The following EXOC6 variants were observed in gnomAD, a reference collection of about 807,000 sequenced individuals.
The protein encoded by EXOC6 is SEC15-like 1.
Under a neutral mutation model 112.5 loss-of-function variants are expected in EXOC6, and 60 were observed. The observed-to-expected ratio is 0.53, with a 90% CI of 0.43 to 0.66. The LOEUF (loss-of-function observed/expected upper bound fraction) is 0.66, where lower values mean the gene tolerates loss of function less well. EXOC6 is among the 30% of genes least tolerant of loss of function. The pLI is 0.00. For missense variants in EXOC6, 855 were observed against 957.1 expected (o/e 0.89, Z 1.41); for synonymous variants, 295 against 308.0 (o/e 0.96, Z 0.44).
At chr10:93,001,556 A>T (rs1200055670) in intron 19 of EXOC6, among the ~76,000 whole-genome samples, 1 of 152,206 alleles carries the variant, frequency 6.6e-6, no homozygotes, top group Non-Finnish European at 1.5e-5. Context: ...CAGTAAAAGG[A>T]AAAAACCCTC....
intron 1 of EXOC6, among the ~76,000 whole-genome samples, chr10:92,837,406 C>T (rs1204844200): frequency 6.6e-6 from 1 of 152,220 alleles, no homozygotes; most frequent in Non-Finnish European, 1.5e-5. Flanking sequence ...TGCAGTGGCT[C>T]ATGCCTGTAA....
At chr10:92,870,252 C>A (rs1289677532) in intron 1 of EXOC6, among the ~76,000 whole-genome samples, 1 of 152,068 alleles carries the variant, frequency 6.6e-6, no homozygotes, top group Non-Finnish European at 1.5e-5. Context: ...CCGCGTGCCA[C>A]CCAGCTCTGG....
Position 92,858,023 on chromosome 10 carries a change from C to CCCCG in EXOC6, c.101+9392_101+9393insGCCC, listed in dbSNP as rs1397865776. Among the ~76,000 whole-genome samples, 5 of 84,160 alleles carry CCCCG rather than the reference C, an allele frequency of 5.9e-5. 1 individual carries two copies. In the East Asian group the frequency reaches 6.7e-3, roughly 113 times the overall value. 55.2% of individuals were successfully genotyped at this position (84,160 alleles called of 152,430 possible). A position where few individuals can be genotyped will look rare whatever the true frequency, so the allele number is the denominator to read the frequency against. On this transcript the variant is annotated intron_variant, in intron 1 of 21. Coordinates refer to ENST00000260762, the MANE Select transcript of EXOC6 (RefSeq NM_019053.6). ...ATGTAAGATTTTTAGTTGACGGGTT[C>CCCCG]CCCCCCTCCGCCGGCCAGCAGTTTG... is the stretch of plus-strand genomic sequence containing the variant.
intron 19 of EXOC6, among the ~76,000 whole-genome samples, chr10:93,001,737 A>G (rs917152350): frequency 6.6e-6 from 1 of 152,198 alleles, no homozygotes; most frequent in African/African-American, 2.4e-5. Flanking sequence ...CAGCCTGACA[A>G]CTATATCTGA....
At chr10:92,863,240 T>C (rs1453528684) in intron 1 of EXOC6, among the ~76,000 whole-genome samples, 1 of 152,212 alleles carries the variant, frequency 6.6e-6, no homozygotes, top group Non-Finnish European at 1.5e-5. Context: ...TCCAGGGACT[T>C]CCCATAAAGA....
At chr10:93,043,181 C>T (rs568579762) in intron 20 of EXOC6, among the ~76,000 whole-genome samples, 13 of 152,106 alleles carry the variant, frequency 8.5e-5, no homozygotes, top group South Asian at 8.3e-4. Flanking sequence ...GTGATCCACC[C>T]GCCTCGGCCT....
At chr10:92,980,633 A>G (rs181219762) in intron 18 of EXOC6, among the ~76,000 whole-genome samples, 1 of 152,318 alleles carries the variant, frequency 6.6e-6, no homozygotes, top group East Asian at 1.9e-4. Context: ...TTGAATCATT[A>G]TTATAGCTTG....
At chr10:92,831,012 G>C (rs1043570024), upstream of EXOC6, among the ~76,000 whole-genome samples, 2 of 152,180 alleles carry the variant, frequency 1.3e-5, no homozygotes, top group African/African-American at 4.8e-5. Flanking sequence ...TTTGGGAGGA[G>C]AGCCTCTCCT....
chr10:92,858,695 A>G (rs148898688), intron 1 of EXOC6, among the ~76,000 whole-genome samples: 1 of 152,332 alleles, frequency 6.6e-6, no homozygotes, highest in African/African-American at 2.4e-5. Context: ...GAGCATAGTT[A>G]TTATGGCTGC....
At chr10:93,019,689 T>C (rs1844693283) in intron 20 of EXOC6, among the ~76,000 whole-genome samples, 1 of 152,214 alleles carries the variant, frequency 6.6e-6, no homozygotes, top group Non-Finnish European at 1.5e-5. Context: ...AGACTGGCCC[T>C]GTACCCTATC....
intron 18 of EXOC6, among the ~76,000 whole-genome samples, chr10:92,979,239 C>T (rs970141082): frequency 6.6e-6 from 1 of 152,174 alleles, no homozygotes; most frequent in African/African-American, 2.4e-5. Flanking sequence ...TGGCTCACTG[C>T]AGCCTCTGCC....
At chr10:92,889,678 A>G (rs1475277485) in intron 1 of EXOC6, among the ~76,000 whole-genome samples, 3 of 150,510 alleles carry the variant, frequency 2.0e-5, no homozygotes, top group East Asian at 1.9e-4. Flanking sequence ...ATACCATGCA[A>G]TCTTGATGAC....
intron 5 of EXOC6, among the ~76,000 whole-genome samples, chr10:92,909,127 A>G (rs1328511784): frequency 6.6e-6 from 1 of 152,200 alleles, no homozygotes; most frequent in Non-Finnish European, 1.5e-5. Flanking sequence ...GTTTGAAACA[A>G]TGATACATAT....
At chr10:93,018,610 G>C (rs1219195493) in intron 20 of EXOC6, among the ~76,000 whole-genome samples, 2 of 122,044 alleles carry the variant, frequency 1.6e-5, no homozygotes, top group Non-Finnish European at 3.3e-5. Context: ...TCTTAAAAAG[G>C]AACTTTTTTT....
chr10:93,016,816 CT>C (rs34667140), intron 20 of EXOC6, among the ~76,000 whole-genome samples: 220 of 142,558 alleles, frequency 1.5e-3, no homozygotes, highest in South Asian at 2.0e-3. Flanking sequence ...TGGCTATTTT[CT>C]TTTTTTTTTT....
At chr10:92,848,402 T>C (rs1390571792), upstream of EXOC6, 2 of 659,576 alleles carry the variant, frequency 3.0e-6, no homozygotes, top group Non-Finnish European at 3.8e-6. Flanking sequence ...CTGCCCGGCG[T>C]TCCGCGCGCC....
intron 16 of EXOC6, among the ~76,000 whole-genome samples, chr10:92,955,051 G>A (rs1157980446): frequency 6.6e-6 from 1 of 152,020 alleles, no homozygotes; most frequent in Non-Finnish European, 1.5e-5. Context: ...CTATTAGCCA[G>A]GCGTGGTAGT....
At chr10:92,911,925 C>G (rs61862277) in intron 6 of EXOC6, among the ~76,000 whole-genome samples, 31 of 126,766 alleles carry the variant, frequency 2.4e-4, no homozygotes, top group African/African-American at 8.1e-4. Context: ...CTCTCTCTCT[C>G]TCTCTCTGTG....
At chr10:93,012,704 A>C (rs909627002) in intron 19 of EXOC6, among the ~76,000 whole-genome samples, 1 of 152,210 alleles carries the variant, frequency 6.6e-6, no homozygotes, top group African/African-American at 2.4e-5. Context: ...GAAATTTTAA[A>C]TAGCTTCCAA....
Sources: gnomAD v4.1 joint callset for allele counts (sites outside exome capture counted in the v4.1 genomes callset) on GRCh38, gnomAD v4.1.1 for gene constraint, MANE v1.5 for transcripts, NCBI Gene and HGNC (gene_info 2026-07-23, HGNC 2026-07-21) for gene names.